Variants in GRAMD4 observed in about 807,000 individuals in gnomAD.
GRAMD4 encodes the protein GRAM domain containing 4, also known as GRAM domain-containing protein 4.
GRAMD4 carries 25 observed loss-of-function variants against 83.9 expected under a neutral mutation model. The observed-to-expected ratio is 0.30, with a 90% CI of 0.22 to 0.42. The LOEUF is 0.42. GRAMD4 is among the 10% of genes least tolerant of loss of function. GRAMD4 has a pLI of 1.00. For missense variants in GRAMD4, 593 were observed against 788.7 expected (o/e 0.75, Z 2.97); for synonymous variants, 336 against 320.9 (o/e 1.05, Z -0.50).
chr22:46,609,703 C>T (rs987920690), intron 1 of GRAMD4, among the ~76,000 whole-genome samples: 3 of 152,198 alleles, frequency 2.0e-5, no homozygotes, highest in African/African-American at 4.8e-5. Flanking sequence ...TTGTGGAGTG[C>T]GAGTGCTTTG....
At chr22:46,597,046 C>T (rs774278693) in intron 1 of GRAMD4, among the ~76,000 whole-genome samples, 21 of 152,178 alleles carry the variant, frequency 1.4e-4, no homozygotes, top group Admixed American at 2.6e-4. Context: ...ACCAGGTCTC[C>T]ACGCCTGCTT....
intron 2 of GRAMD4, among the ~76,000 whole-genome samples, chr22:46,636,213 C>G (rs2081885660): frequency 6.6e-6 from 1 of 152,206 alleles, no homozygotes; most frequent in Non-Finnish European, 1.5e-5. Context: ...CTTCTGTCCT[C>G]CTGGATGGGT....
intron 9 of GRAMD4, among the ~76,000 whole-genome samples, chr22:46,665,934 G>C (rs2082402046): frequency 6.6e-6 from 1 of 152,200 alleles, no homozygotes. Context: ...TCCTTCCCCG[G>C]GCGGCCAGCA....
intron 1 of GRAMD4, among the ~76,000 whole-genome samples, chr22:46,585,008 A>G (rs1403336348): frequency 3.3e-5 from 5 of 152,156 alleles, no homozygotes; most frequent in Non-Finnish European, 2.9e-5. Flanking sequence ...CTTTGAAAAG[A>G]TCTACAGAGC....
At chr22:46,647,953 G>A (rs1053165908) in intron 3 of GRAMD4, among the ~76,000 whole-genome samples, 1 of 152,258 alleles carries the variant, frequency 6.6e-6, no homozygotes, top group African/African-American at 2.4e-5. Flanking sequence ...TCTACCAACT[G>A]GAGTCATATG....
chr22:46,600,120 T>C (rs1050722341), intron 1 of GRAMD4, among the ~76,000 whole-genome samples: 2 of 152,170 alleles, frequency 1.3e-5, no homozygotes, highest in African/African-American at 4.8e-5. Flanking sequence ...ATCGACTGTT[T>C]TATGCCTCGA....
chr22:46,623,362 G>A (rs572769781), intron 1 of GRAMD4, among the ~76,000 whole-genome samples: 20 of 152,274 alleles, frequency 1.3e-4, no homozygotes, highest in African/African-American at 3.4e-4. Context: ...TCCGCAGCCC[G>A]GGTTAGCTTT....
chr22:46,578,204 G>A (rs370564989), intron 1 of GRAMD4, among the ~76,000 whole-genome samples: 1 of 152,182 alleles, frequency 6.6e-6, no homozygotes, highest in African/African-American at 2.4e-5. Flanking sequence ...GCCTTGTGTG[G>A]GTTAGGAAGA....
chr22:46,680,900 A>G (rs186633356), downstream of GRAMD4, among the ~76,000 whole-genome samples: 1 of 87,164 alleles, frequency 1.1e-5, no homozygotes, highest in Non-Finnish European at 2.2e-5. Flanking sequence ...CCATCCATCC[A>G]TCCATCCATC....
intron 3 of GRAMD4, among the ~76,000 whole-genome samples, chr22:46,653,049 G>A (rs528922373): frequency 6.6e-6 from 1 of 152,314 alleles, no homozygotes; most frequent in East Asian, 1.9e-4. Flanking sequence ...TCAGAGATAG[G>A]AAGGACTCAT....
At chr22:46,643,156 C>T (rs1569283863) in intron 3 of GRAMD4, among the ~76,000 whole-genome samples, 5 of 148,828 alleles carry the variant, frequency 3.4e-5, no homozygotes, top group East Asian at 2.0e-4. Context: ...TCCATCCATC[C>T]ATCCATCCAT....
chr22:46,593,724 A>G (rs2081233058), intron 1 of GRAMD4, among the ~76,000 whole-genome samples: 1 of 151,596 alleles, frequency 6.6e-6, no homozygotes. Context: ...TATTTTCATT[A>G]TTTTTATTTA....
intron 1 of GRAMD4, among the ~76,000 whole-genome samples, chr22:46,607,443 C>T (rs541366348): frequency 6.6e-6 from 1 of 152,158 alleles, no homozygotes; most frequent in African/African-American, 2.4e-5. Flanking sequence ...AACCAGCCCT[C>T]CACAGGCTGG....
In GRAMD4 at chr22:46,659,310, C is replaced by G. The variant is rs1290385894; in HGVS notation, c.404+1003C>G. Among the ~76,000 whole-genome samples the G allele has an allele frequency of 6.6e-6, 1 of 151,692 alleles. No individual in the cohort carries two copies. Among genetic ancestry groups the G allele is most frequent in the African/African-American group, 2.4e-5 (1 of 41,294 alleles). Reference sequence around the variant, plus strand: ...CCCCAGCATCATCTTCAGCCTCCGTCCTCAGACTCCACTCCCTCAGCCTCC... The same window carrying G: ...CCCCAGCATCATCTTCAGCCTCCGTGCTCAGACTCCACTCCCTCAGCCTCC... On this transcript the variant is annotated intron_variant, in intron 4 of 18. Transcript: ENST00000406902. This position sits in a 1 kb window ranked among gnomAD's most constrained non-coding sequence, Gnocchi z 4.1.
At chr22:46,679,892 C>G (rs959338592), downstream of GRAMD4, 4 of 628,332 alleles carry the variant, frequency 6.4e-6, no homozygotes, top group Non-Finnish European at 7.9e-6. Context: ...GCCCGCCACT[C>G]CCTGGGGCCC....
intron 18 of GRAMD4, 110 bp from the exon 19 acceptor site, chr22:46,677,037 C>T: frequency 1.5e-6 from 2 of 1,292,410 alleles, no homozygotes; most frequent in Non-Finnish European, 2.2e-6. Context: ...GCACCCAGAC[C>T]CACGTGACTA....
rs891241267 is a variant in GRAMD4, at chr22:46,624,914, G to A, written c.-49-1837G>A. 2.0e-5 allele frequency among the ~76,000 whole-genome samples: 3 copies of A among 148,776 alleles called. No individual in the cohort carries two copies. In the Admixed American group the frequency reaches 2.0e-4, roughly 10 times the overall value. On this transcript the variant is annotated intron_variant, in intron 1 of 18. Transcript: ENST00000406902. ...CTCGCTCTGTCACCCAGGCTGGAGT[G>A]CAGTGGCGGGATCTCAGCTCACTTC... is the stretch of plus-strand genomic sequence containing the variant.
intron 3 of GRAMD4, among the ~76,000 whole-genome samples, chr22:46,650,887 C>G (rs2082156037): frequency 6.6e-6 from 1 of 152,226 alleles, no homozygotes; most frequent in South Asian, 2.1e-4. Flanking sequence ...GAGCTTGACC[C>G]CTGACTGCAA....
At chr22:46,576,792 C>CGT (rs4044199), upstream of GRAMD4, among the ~76,000 whole-genome samples, 148,286 of 150,128 alleles carry the variant, frequency 0.99, 73,246 homozygotes, top group East Asian at 1. Flanking sequence ...CGAGCGTGCT[C>CGT]CCGCGGGTGA....
Sources: gnomAD v4.1 joint callset for allele counts (sites outside exome capture counted in the v4.1 genomes callset) on GRCh38, gnomAD v4.1.1 for gene constraint, Gnocchi (gnomAD v3.1) non-coding constraint, MANE v1.5 for transcripts, NCBI Gene and HGNC (gene_info 2026-07-23, HGNC 2026-07-21) for gene names.